CCAR2: variants seen among roughly 807,000 people sequenced by gnomAD.
CCAR2 encodes cell cycle and apoptosis regulator protein 2.
Under a neutral mutation model 108.1 loss-of-function variants are expected in CCAR2, and 21 were observed. That is an observed-to-expected ratio of 0.19 (90% CI 0.14 to 0.28). CCAR2 has a LOEUF of 0.28. Among genes scored for constraint, CCAR2 ranks in the 10% least tolerant of loss-of-function variants. The probability of loss-of-function intolerance (pLI) is 1.00; values close to 1 mark genes in which losing one functional copy is unlikely to be tolerated. For missense variants in CCAR2, 1,126 were observed against 1,177.0 expected (o/e 0.96, Z 0.63); for synonymous variants, 577 against 472.8 (o/e 1.22, Z -2.86).
chr8:22,618,744 C>G lies in CCAR2; in HGVS notation c.2332+16C>G, dbSNP rs887530160. The G allele has an allele frequency of 8.7e-6, 14 of 1,613,652 alleles. No individual in the cohort carries two copies. The African/African-American group carries it at 1.7e-4, about 20-fold the overall frequency. ...GTGCTCTTCGGTATGTTCTGGGGCC[C>G]TGCAGCCTTCCTGGGGCACGGGCAG... is the stretch of plus-strand genomic sequence containing the variant. On this transcript the variant is annotated intron_variant, in intron 18 of 20. Transcript: ENST00000308511.
chr8:22,605,563 A>C, intron 1 of CCAR2, 173 bp from the exon 2 acceptor site: 1 of 581,186 alleles, frequency 1.7e-6, no homozygotes, highest in Non-Finnish European at 3.1e-6. Context: ...GAACAATGTA[A>C]TTTCTTGTTT....
chr8:22,609,701 G>T (rs1483023572), intron 7 of CCAR2, among the ~76,000 whole-genome samples: 1 of 151,888 alleles, frequency 6.6e-6, no homozygotes, highest in African/African-American at 2.4e-5. Context: ...CAAAATCACA[G>T]CAGGTGCCTT....
rs1801051870 is a variant in CCAR2 at position 22,605,784 on chromosome 8, T to A, written c.11T>A (p.Phe4Tyr). MSQ[F>Y]KRQRINPLPG... Reference sequence around the variant, plus strand: ...AGGACAGCGTTCCCAATGTCCCAGTTTAAGCGCCAGCGGATCAACCCGCTT... The same window carrying A: ...AGGACAGCGTTCCCAATGTCCCAGTATAAGCGCCAGCGGATCAACCCGCTT... The change falls in exon 2 of 21, where the codon TTT (phenylalanine) becomes TAT (tyrosine). Residue 4 changes from phenylalanine to tyrosine, a missense_variant. Phe to Tyr is a conservative substitution (Grantham distance 22). Transcript: ENST00000308511. 5 of 1,614,026 alleles carry A rather than the reference T, an allele frequency of 3.1e-6. No homozygotes were observed. The highest frequency in any genetic ancestry group is 4.2e-6 in the Non-Finnish European group (5 of 1,179,950).
intron 14 of CCAR2, among the ~76,000 whole-genome samples, chr8:22,616,881 TTTTTTTTTTTTTTTTGG>T (rs1221664242): frequency 3.0e-4 from 19 of 62,714 alleles, no homozygotes; most frequent in African/African-American, 1.4e-3. Flanking sequence ...TTTTTTTTTT[TTTTTTTTTTTTTTTTGG>T]GGAGATGGAG....
rs201893255 is a variant in CCAR2, at chr8:22,615,501, G to A, written c.1282G>A (p.Asp428Asn). ...RLQTVVVYLP[D>N]VWTIMPTLEE... ...TCAGACAGTGGTGGTGTACCTGCCG[G>A]ATGTCTGGACCATCATGCCTACTTT... Residue 428 changes from aspartate (D) to asparagine (N), a missense_variant, in exon 12 of 21, where the codon GAT becomes AAT. Asp to Asn is a conservative substitution (Grantham distance 23, BLOSUM62 1). This residue lies in a region of CCAR2 where 1,013 missense variants were observed against 993.9 expected (regional missense o/e 1.02). Transcript: ENST00000308511. 3.1e-6 allele frequency: 5 copies of A among 1,613,962 alleles called. No homozygotes were observed. The highest frequency in any genetic ancestry group is 1.6e-4 in the Middle Eastern group (1 of 6,062).
At position 22,614,859 on chromosome 8, in the gene CCAR2, G is replaced by A. The variant is rs767868544; in HGVS notation, c.1063G>A (p.Glu355Lys). 2 of 1,614,066 alleles carry A rather than the reference G, an allele frequency of 1.2e-6. No homozygotes were observed. The highest frequency in any genetic ancestry group is 1.7e-6 in the Non-Finnish European group (2 of 1,180,042). The change falls in exon 11 of 21, where the codon GAG (glutamate) becomes AAG (lysine). Residue 355 changes from glutamate to lysine, a missense_variant. Glu to Lys is a moderately conservative substitution (Grantham distance 56). Transcript: ENST00000308511. ...QIKFLLGRKE[E>K]EAVLVGGEWS... ...GCAGTTTTTGCTGGGCAGGAAAGAA[G>A]AGGAGGCAGTGCTGGTTGGGGGTGA...
chr8:22,619,668 G>A lies in CCAR2; in HGVS notation c.2758G>A (p.Ala920Thr). Residue 920 changes from alanine to threonine, a missense_variant, in exon 21 of 21, where the codon GCA becomes ACA. Coordinates refer to ENST00000308511, the MANE Select transcript of CCAR2 (RefSeq NM_001393997.1). The part of the protein sequence containing the change: ...ADSWVEKEEP[A>T]PSN ...CAGCTGGGTGGAGAAGGAGGAGCCG[G>A]CACCTAGCAACTGACGGCCTCGCAC... 1 of 1,574,946 alleles carries A rather than the reference G, an allele frequency of 6.3e-7. No individual in the cohort carries two copies.
Position 22,617,485 on chromosome 8 carries a change from C to G in CCAR2, c.1911C>G (p.Gly637=), listed in dbSNP as rs145612413. 1.2e-5 allele frequency: 19 copies of G among 1,604,812 alleles called. No homozygotes were observed. In the Admixed American group the frequency reaches 3.3e-4, roughly 28 times the overall value. The change falls in exon 15 of 21, where the codon GGC becomes GGG. Residue 637 remains glycine (G), a synonymous_variant. Coordinates refer to ENST00000308511, the MANE Select transcript of CCAR2 (RefSeq NM_001393997.1). ...SGGEEEEKPR[G]EASEDLCEMA... The stretch of plus-strand genomic sequence containing the variant: ...GAGAGGAAGAAGAAAAACCCCGGGG[C>G]GAGGCTTCTGAGGACCTGTGTGAGA...
chr8:22,615,334 G>A, intron 11 of CCAR2, 91 bp from the exon 12 acceptor site: 1 of 1,462,588 alleles, frequency 6.8e-7, no homozygotes, highest in Non-Finnish European at 9.3e-7. Flanking sequence ...CTCATTGAGT[G>A]CTGACTGGAA....
Position 22,617,265 on chromosome 8 carries a change from C to CTT in CCAR2, c.1846-154_1846-153dup, listed in dbSNP as rs551861577. Reference sequence around the variant, plus strand: ...ATGCCCTGGCATGCTCTGAATCCCACTTAATGAAATTAAATACATGAAATG... The same window carrying CTT: ...ATGCCCTGGCATGCTCTGAATCCCACTTTTAATGAAATTAAATACATGAAATG... On this transcript the variant is annotated intron_variant, in intron 14 of 20. Coordinates refer to ENST00000308511, the MANE Select transcript of CCAR2 (RefSeq NM_001393997.1). 7.7e-4 allele frequency: 674 copies of CTT among 879,616 alleles called. 2 individuals are homozygous for CTT. Among genetic ancestry groups the CTT allele is most frequent in the Non-Finnish European group, 9.8e-4 (605 of 614,848 alleles). The allele number at this position is 879,616 out of a possible 1,614,324, so 54.5% of individuals were successfully genotyped here.
rs190194748 is a variant in CCAR2, at chr8:22,609,249, C to T, written c.584+1184C>T. Among the ~76,000 whole-genome samples, 54 of 152,184 alleles carry T rather than the reference C, an allele frequency of 3.5e-4. No homozygotes were observed. In the East Asian group the frequency reaches 9.4e-3, roughly 27 times the overall value. ...AAAACGTTTTTTGTAAGGCTGGGTG[C>T]GATGGCTTATGCCTATAAATCCCAG... On this transcript the variant is annotated intron_variant, in intron 7 of 20. Coordinates refer to ENST00000308511, the MANE Select transcript of CCAR2 (RefSeq NM_001393997.1).
intron 7 of CCAR2, among the ~76,000 whole-genome samples, chr8:22,611,639 AATCTTACAGTTCAAATTATTTTTG>A (rs1412907344): frequency 6.6e-6 from 1 of 152,130 alleles, no homozygotes; most frequent in Non-Finnish European, 1.5e-5. Context: ...TTGCAATTTT[AATCTTACAGTTCAAATTATTTTTG>A]TGTATTTATA....
At chr8:22,616,562 A>G in intron 14 of CCAR2, 1 of 382,022 alleles carries the variant, frequency 2.6e-6, no homozygotes, top group Non-Finnish European at 4.9e-6. Context: ...TCACCCCTGT[A>G]ATCCCAGCAC....
chr8:22,619,564 A>C lies in CCAR2; in HGVS notation c.2728-74A>C, dbSNP rs111894908. 3 of 1,480,892 alleles carry C rather than the reference A, an allele frequency of 2.0e-6. No individual in the cohort carries two copies. In the African/African-American group the frequency reaches 5.0e-5, roughly 25 times the overall value. The allele number at this position is 1,480,892 out of a possible 1,614,324, so 91.7% of individuals were successfully genotyped here. ...CGTGCAGTGGGAGCTTCCCAGCAGG[A>C]GGCAGTCCGCAGTCCGCAGTCCTCA... On this transcript the variant is annotated intron_variant, in intron 20 of 20. Transcript: ENST00000308511.
chr8:22,614,772 T>TTCATCCTGA (rs781509144), intron 10 of CCAR2, 66 bp from the exon 11 acceptor site: 2 of 1,601,988 alleles, frequency 1.2e-6, no homozygotes, highest in Non-Finnish European at 1.7e-6. Flanking sequence ...GGTGGCAGCC[T>TTCATCCTGA]TGCCCTGCAG....
At chr8:22,607,068 G>A (rs201300848) in intron 5 of CCAR2, 44 bp downstream of exon 5, 87 of 1,610,244 alleles carry the variant, frequency 5.4e-5, no homozygotes, top group Non-Finnish European at 6.5e-5. Flanking sequence ...GGGAAGGGAT[G>A]GAAGCCCCTG....
At position 22,615,568 on chromosome 8, in the gene CCAR2, C is replaced by T; in HGVS notation, c.1349C>T (p.Ala450Val). 1 of 1,613,918 alleles carries T rather than the reference C, an allele frequency of 6.2e-7. No homozygotes were observed. The highest frequency in any genetic ancestry group is 8.5e-7 in the Non-Finnish European group (1 of 1,180,016). Residue 450 changes from alanine (A) to valine (V), a missense_variant, in exon 12 of 21, where the codon GCA (alanine) becomes GTA (valine). This residue lies in a region of CCAR2 where 1,013 missense variants were observed against 993.9 expected (regional missense o/e 1.02). Coordinates refer to ENST00000308511, the MANE Select transcript of CCAR2 (RefSeq NM_001393997.1). Reference protein sequence around the residue: ...EALCQQKAAEAAPPTQEAQGE... With the variant: ...EALCQQKAAEVAPPTQEAQGE... The stretch of plus-strand genomic sequence containing the variant: ...CTGTGCCAGCAGAAAGCTGCAGAGG[C>T]AGCTCCCCCAACCCAGGAGGCACAA...
intron 14 of CCAR2, among the ~76,000 whole-genome samples, chr8:22,616,866 CTTTTTTTTTTTTTTT>C (rs36086286): frequency 1.8e-5 from 1 of 54,716 alleles, no homozygotes; most frequent in Non-Finnish European, 3.6e-5. Flanking sequence ...TACTAGTCTG[CTTTTTTTTTTTTTTT>C]TTTTTTTTTT....
Position 22,615,892 on chromosome 8 carries a change from A to G in CCAR2, c.1588A>G (p.Lys530Glu). Residue 530 changes from lysine to glutamate, a missense_variant, in exon 13 of 21, where the codon AAG (lysine) becomes GAG (glutamate). Coordinates refer to ENST00000308511, the MANE Select transcript of CCAR2 (RefSeq NM_001393997.1). Reference sequence around the variant, plus strand: ...TGGGATTGTGGAGGATCGGAGGCCAAAGGAAAGGATCTCTTTTGAGGCAGG... The same window carrying G: ...TGGGATTGTGGAGGATCGGAGGCCAGAGGAAAGGATCTCTTTTGAGGCAGG... ...LHGIVEDRRPKERISFEVMVL... is the reference protein window; with the variant it reads ...LHGIVEDRRPEERISFEVMVL... 6.2e-7 allele frequency: 1 copy of G among 1,613,978 alleles called. No individual in the cohort carries two copies. Among genetic ancestry groups the G allele is most frequent in the Non-Finnish European group, 8.5e-7 (1 of 1,180,018 alleles).
Sources: gnomAD v4.1 joint callset for allele counts (sites outside exome capture counted in the v4.1 genomes callset) on GRCh38, gnomAD v4.1.1 for gene constraint, gnomAD v4.1.1 regional missense constraint, MANE v1.5 for transcripts, NCBI Gene and HGNC (gene_info 2026-07-23, HGNC 2026-07-21) for gene names.